Variants in ZFHX3 observed in about 807,000 individuals in gnomAD.
ZFHX3 encodes the protein zinc finger homeobox 3.
In ZFHX3, 42 loss-of-function variants were observed where a neutral mutation model predicts 279.1. The ratio of observed to expected loss-of-function variants is 0.15; its 90% CI spans 0.12 to 0.19. The LOEUF is 0.19. Ranked by LOEUF, ZFHX3 falls within the 10% of genes least tolerant of loss-of-function variation. The pLI is 1.00. For synonymous variants in ZFHX3, 2,293 were observed against 1,957.8 expected (o/e 1.17, Z -4.52); for missense variants, 4,981 against 4,754.0 (o/e 1.05, Z -1.40).
chr16:72,851,839 C>T (rs2037626349), intron 4 of ZFHX3, among the ~76,000 whole-genome samples: 1 of 152,206 alleles, frequency 6.6e-6, no homozygotes, highest in Admixed American at 6.5e-5. Flanking sequence ...GTGTGAGCCA[C>T]CGCACCTGGC....
rs1319769264 is a variant in ZFHX3 at position 72,783,832 on chromosome 16, C to T, written c.*3332G>A. The T allele has an allele frequency of 2.0e-5, 3 of 152,116 alleles. No individual in the cohort carries two copies. The highest frequency in any genetic ancestry group is 4.4e-5 in the Non-Finnish European group (3 of 68,014). 9.4% of individuals were successfully genotyped at this position (152,116 alleles called of 1,614,324 possible). ...AATGCAGCAGACAGGAATAAATTCC[C>T]CAAGTGAGATAAAGCTAAACAAACA... On this transcript the variant is annotated 3_prime_UTR_variant, in exon 10 of 10. Transcript: ENST00000268489.
intron 1 of ZFHX3, among the ~76,000 whole-genome samples, chr16:73,796,756 G>A (rs540248781): frequency 5.7e-4 from 87 of 152,248 alleles, no homozygotes; most frequent in Middle Eastern, 3.4e-3. Flanking sequence ...TGGGGACAAC[G>A]ACATAAAGAG....
Position 73,253,629 on chromosome 16 carries a change from G to T in ZFHX3, c.-1104+3418C>A, listed in dbSNP as rs58536506. Among the ~76,000 whole-genome samples, 1,365 of 146,556 alleles carry T rather than the reference G, an allele frequency of 9.3e-3. 22 individuals carry two copies. The highest frequency in any genetic ancestry group is 0.033 in the African/African-American group (1,286 of 39,446). On this transcript the variant is annotated intron_variant, in intron 5 of 17. Coordinates refer to the ZFHX3 transcript ENST00000641206. ...ACCACGCCCGGCTAATTTTTTTTTT[G>T]TATTTTTAGTAGAGAAGGGGTTTCA... is the stretch of plus-strand genomic sequence containing the variant.
At chr16:73,812,338 T>C (rs1212351939) in intron 1 of ZFHX3, among the ~76,000 whole-genome samples, 1 of 152,226 alleles carries the variant, frequency 6.6e-6, no homozygotes, top group East Asian at 1.9e-4. Context: ...TCCTCTGTCC[T>C]CCTGGCATAA....
At chr16:73,760,652 A>T (rs2087778) in intron 1 of ZFHX3, among the ~76,000 whole-genome samples, 77,846 of 152,018 alleles carry the variant, frequency 0.51, 20,245 homozygotes, top group Non-Finnish European at 0.55. Context: ...GATTGCCGGG[A>T]TGCAAGGCTG....
At chr16:73,160,156 T>C (rs945765682) in intron 5 of ZFHX3, among the ~76,000 whole-genome samples, 4 of 152,206 alleles carry the variant, frequency 2.6e-5, no homozygotes, top group Admixed American at 6.5e-5. Context: ...GCTCCCTTTC[T>C]GGGTAAGAGC....
intron 5 of ZFHX3, among the ~76,000 whole-genome samples, chr16:73,205,269 C>T (rs1254648453): frequency 6.6e-6 from 1 of 152,100 alleles, no homozygotes; most frequent in African/African-American, 2.4e-5. Context: ...ATAAAAAAGC[C>T]TAGGACATGT....
chr16:73,644,697 A>G (rs1437500032), intron 2 of ZFHX3, among the ~76,000 whole-genome samples: 2 of 151,694 alleles, frequency 1.3e-5, no homozygotes, highest in Non-Finnish European at 2.9e-5. Flanking sequence ...AAAAAACCTC[A>G]GCAGTTTCCA....
In ZFHX3 at chr16:72,906,802, C is replaced by G. The variant is rs146835233; in HGVS notation, c.3217-16840G>C. Among the ~76,000 whole-genome samples the G allele has an allele frequency of 4.5e-3, 691 of 152,148 alleles. 7 individuals carry two copies. The highest frequency in any genetic ancestry group is 6.5e-3 in the Non-Finnish European group (442 of 68,004). Reference sequence around the variant, plus strand: ...AACAGAGCGAGACTCTGTCCACCCCCCTTCCCCCCCTCAAAAAACTAATGA... The same window carrying G: ...AACAGAGCGAGACTCTGTCCACCCCGCTTCCCCCCCTCAAAAAACTAATGA... On this transcript the variant is annotated intron_variant, in intron 3 of 9. Coordinates refer to ENST00000268489, the MANE Select transcript of ZFHX3 (RefSeq NM_006885.4).
intron 3 of ZFHX3, among the ~76,000 whole-genome samples, chr16:73,324,690 G>T (rs148500822): frequency 2.0e-5 from 3 of 152,300 alleles, no homozygotes; most frequent in South Asian, 2.1e-4. Context: ...GGAGTATTAG[G>T]CTTCAGAAAC....
chr16:72,905,688 T>C (rs2039153257), intron 3 of ZFHX3, among the ~76,000 whole-genome samples: 1 of 152,192 alleles, frequency 6.6e-6, no homozygotes, highest in Admixed American at 6.5e-5. Context: ...CATATTTTAG[T>C]TCTAAACATA....
chr16:73,700,740 G>A (rs929854161), intron 1 of ZFHX3, among the ~76,000 whole-genome samples: 1 of 152,126 alleles, frequency 6.6e-6, no homozygotes, highest in Non-Finnish European at 1.5e-5. Flanking sequence ...AAGCAATCAA[G>A]GTTCTAGGGA....
intron 5 of ZFHX3, among the ~76,000 whole-genome samples, chr16:73,254,980 C>G (rs2013624023): frequency 6.7e-6 from 1 of 150,018 alleles, no homozygotes; most frequent in Non-Finnish European, 1.5e-5. Flanking sequence ...AAGCCTTTCC[C>G]TAGTGTCAGG....
intron 1 of ZFHX3, among the ~76,000 whole-genome samples, chr16:73,844,883 T>C (rs1289844283): frequency 6.6e-6 from 1 of 150,870 alleles, no homozygotes; most frequent in Non-Finnish European, 1.5e-5. Flanking sequence ...GGTAGGCGGA[T>C]GGTAGGAAGA....
At chr16:73,078,865 C>T (rs542100830) in intron 8 of ZFHX3, among the ~76,000 whole-genome samples, 9 of 151,844 alleles carry the variant, frequency 5.9e-5, no homozygotes, top group Admixed American at 3.3e-4. Flanking sequence ...AGGATGGTCT[C>T]GATCTCCTGA....
chr16:73,464,294 C>T (rs2018524274), intron 2 of ZFHX3, among the ~76,000 whole-genome samples: 1 of 151,910 alleles, frequency 6.6e-6, no homozygotes, highest in Non-Finnish European at 1.5e-5. Flanking sequence ...AAAGCAAATA[C>T]GAGGAGACAA....
At chr16:72,914,004 A>G (rs1282392886) in intron 3 of ZFHX3, among the ~76,000 whole-genome samples, 2 of 152,244 alleles carry the variant, frequency 1.3e-5, no homozygotes, top group Non-Finnish European at 2.9e-5. Flanking sequence ...AGTAGGTGAA[A>G]TGTGGAACCA....
chr16:73,600,099 G>T (rs2052095801), intron 2 of ZFHX3, among the ~76,000 whole-genome samples: 1 of 152,264 alleles, frequency 6.6e-6, no homozygotes, highest in African/African-American at 2.4e-5. Context: ...ATTCTGAGAT[G>T]TTCTTTGTAT....
At chr16:73,878,728 AG>A (rs907535083) in intron 1 of ZFHX3, among the ~76,000 whole-genome samples, 3 of 151,672 alleles carry the variant, frequency 2.0e-5, no homozygotes, top group African/African-American at 4.8e-5. Context: ...TGCAAGAGGG[AG>A]GGGGGACATT....
Sources: allele counts gnomAD v4.1 joint callset (sites outside exome capture counted in the v4.1 genomes callset), GRCh38; gene constraint gnomAD v4.1.1; transcripts MANE v1.5; gene names NCBI Gene and HGNC (gene_info 2026-07-23, HGNC 2026-07-21).